Variants in CDH10 observed in about 807,000 individuals in gnomAD.
CDH10 encodes the protein cadherin 10, also known as cadherin-10.
A neutral mutation model predicts 73.1 loss-of-function variants in CDH10; 30 were observed. That is an observed-to-expected ratio of 0.41 (90% CI 0.31 to 0.56). The LOEUF is 0.56. Ranked by LOEUF, CDH10 falls within the 20% of genes least tolerant of loss-of-function variation. The pLI is 0.27. For missense variants in CDH10, 815 were observed against 973.7 expected (o/e 0.84, Z 2.17); for synonymous variants, 345 against 348.2 (o/e 0.99, Z 0.10).
intron 2 of CDH10, among the ~76,000 whole-genome samples, chr5:24,579,505 C>G (rs35000708): frequency 0.38 from 58,161 of 151,918 alleles, 13,539 homozygotes; most frequent in East Asian, 0.54. Context: ...ACTTTTTCTC[C>G]CTGTATGCCC....
intron 5 of CDH10, among the ~76,000 whole-genome samples, chr5:24,516,060 A>T (rs1444736463): frequency 6.6e-6 from 1 of 152,202 alleles, no homozygotes; most frequent in Non-Finnish European, 1.5e-5. Flanking sequence ...TATTAGCAGC[A>T]TGAAAACAGA....
intron 2 of CDH10, among the ~76,000 whole-genome samples, chr5:24,558,147 A>G (rs979903392): frequency 2.6e-5 from 4 of 151,750 alleles, no homozygotes; most frequent in Non-Finnish European, 5.9e-5. Flanking sequence ...AAGTGTTGGA[A>G]GTCTTAAATC....
At chr5:24,572,935 GAAA>G (rs55946839) in intron 2 of CDH10, among the ~76,000 whole-genome samples, 2,265 of 72,098 alleles carry the variant, frequency 0.031, 17 homozygotes, top group East Asian at 0.12. Context: ...CTTAGAAAAA[GAAA>G]AAAAAAAAAA....
chr5:24,633,805 T>G (rs1490054293), intron 1 of CDH10, among the ~76,000 whole-genome samples: 2 of 151,874 alleles, frequency 1.3e-5, no homozygotes, highest in African/African-American at 4.8e-5. Flanking sequence ...CTTATAACCC[T>G]TAATGTAAAT....
chr5:24,530,257 A>G lies in CDH10; in HGVS notation c.814+4855T>C, dbSNP rs547644560. ...TCAGTACATTAGATGTCCCTTAATC[A>G]CTAACTATGGGCAGATGAAAATCAA... is the stretch of plus-strand genomic sequence containing the variant. On this transcript the variant is annotated intron_variant, in intron 5 of 11. Transcript: ENST00000264463. Among the ~76,000 whole-genome samples the G allele has an allele frequency of 2.0e-5, 3 of 151,826 alleles. No homozygotes were observed. In the East Asian group the frequency reaches 5.8e-4, roughly 30 times the overall value.
In CDH10 at chr5:24,498,466, T is replaced by C; in HGVS notation, c.1447A>G (p.Asn483Asp). 6.3e-7 allele frequency: 1 copy of C among 1,599,196 alleles called. No homozygotes were observed. Among genetic ancestry groups the C allele is most frequent in the Non-Finnish European group, 8.6e-7 (1 of 1,166,574 alleles). ...ACAGCAAACTGTGGGGCATTGTCAT[T>C]AACATCCAAAATTCTCACAAAAACA... ...VAVFVRILDV[N>D]DNAPQFAVFY... The change falls in exon 9 of 12, where the codon AAT becomes GAT. Residue 483 changes from asparagine to aspartate, a missense_variant. Physicochemically the swap from Asn to Asp is conservative, Grantham distance 23. Around this residue, in one of 3 missense-constraint regions of CDH10, gnomAD observed 516 missense variants for 636.6 expected, o/e 0.81. Transcript: ENST00000264463.
intron 2 of CDH10, among the ~76,000 whole-genome samples, chr5:24,590,350 GAAGT>G (rs1373997656): frequency 1.3e-5 from 2 of 150,642 alleles, no homozygotes; most frequent in Non-Finnish European, 3.0e-5. Flanking sequence ...AATATTATTA[GAAGT>G]GAGTACAATA....
chr5:24,549,832 G>A (rs761136822), intron 2 of CDH10, among the ~76,000 whole-genome samples: 2 of 151,980 alleles, frequency 1.3e-5, no homozygotes, highest in Non-Finnish European at 1.5e-5. Flanking sequence ...GATTACAGGC[G>A]TGAGCCACTG....
chr5:24,490,863 T>C (rs895642924), intron 11 of CDH10, among the ~76,000 whole-genome samples: 2 of 152,234 alleles, frequency 1.3e-5, no homozygotes, highest in Non-Finnish European at 1.5e-5. Context: ...AGTGCTCATA[T>C]GTCAAGTTTT....
In CDH10 at chr5:24,626,792, A is replaced by ATG. The variant is rs58419965; in HGVS notation, c.-124+17800_-124+17801dup. Among the ~76,000 whole-genome samples the ATG allele has an allele frequency of 7.6e-3, 1,126 of 149,094 alleles. 8 individuals are homozygous for ATG. The highest frequency in any genetic ancestry group is 0.011 in the Non-Finnish European group (715 of 67,402). On this transcript the variant is annotated intron_variant, in intron 1 of 11. Transcript: ENST00000264463. ...CTGTCTCAAAAACCTATATATATAT[A>ATG]TGTGTGTGTGTGTGTGTGTGTGTGT...
At chr5:24,521,869 C>T (rs760341384) in intron 5 of CDH10, among the ~76,000 whole-genome samples, 7 of 152,124 alleles carry the variant, frequency 4.6e-5, no homozygotes, top group Non-Finnish European at 1.0e-4. Context: ...TGCCAGGTGG[C>T]TCACACCTAT....
At position 24,505,258 on chromosome 5, in the gene CDH10, G is replaced by A. The variant is rs763303674; in HGVS notation, c.1257-10C>T. Reference sequence around the variant, plus strand: ...GCGATCCAAGGAAAATCTGAACATGGAGGGCAAGAAAAAATACATGGCAGC... The same window carrying A: ...GCGATCCAAGGAAAATCTGAACATGAAGGGCAAGAAAAAATACATGGCAGC... On this transcript the variant is annotated splice_polypyrimidine_tract_variant and intron_variant, in intron 7 of 11. Transcript: ENST00000264463. 6.2e-7 allele frequency: 1 copy of A among 1,610,806 alleles called. No individual in the cohort carries two copies. The highest frequency in any genetic ancestry group is 8.5e-7 in the Non-Finnish European group (1 of 1,177,772).
At chr5:24,590,360 CAAT>C (rs1258096277) in intron 2 of CDH10, among the ~76,000 whole-genome samples, 1 of 150,308 alleles carries the variant, frequency 6.7e-6, no homozygotes, top group Admixed American at 6.7e-5. Flanking sequence ...GAAGTGAGTA[CAAT>C]AATAGAAATT....
rs1323088867 is a variant in CDH10 at position 24,498,217 on chromosome 5, G to T, written c.1515+181C>A. 3.3e-5 allele frequency among the ~76,000 whole-genome samples: 5 copies of T among 151,974 alleles called. No homozygotes were observed. In the South Asian group the frequency reaches 1.0e-3, roughly 32 times the overall value. ...AACTTTACAAAGGAAATATGAAACT[G>T]GTATATGGTTTTAAAAATATTTTCA... On this transcript the variant is annotated intron_variant, in intron 9 of 11. Coordinates refer to ENST00000264463, the MANE Select transcript of CDH10 (RefSeq NM_006727.5).
chr5:24,633,891 T>C (rs1426302642), intron 1 of CDH10, among the ~76,000 whole-genome samples: 1 of 151,838 alleles, frequency 6.6e-6, no homozygotes, highest in Non-Finnish European at 1.5e-5. Flanking sequence ...TTGTGTACTA[T>C]AGAACAATAA....
At chr5:24,555,217 G>C (rs1259023251) in intron 2 of CDH10, among the ~76,000 whole-genome samples, 1 of 152,020 alleles carries the variant, frequency 6.6e-6, no homozygotes, top group African/African-American at 2.4e-5. Context: ...TGTGCCACTG[G>C]ATTTCCTAAA....
intron 2 of CDH10, among the ~76,000 whole-genome samples, chr5:24,539,221 T>C (rs985654306): frequency 6.6e-6 from 1 of 151,980 alleles, no homozygotes; most frequent in Non-Finnish European, 1.5e-5. Flanking sequence ...TTTACCTAAA[T>C]AAGTTTCATT....
At chr5:24,581,478 A>G (rs1304508416) in intron 2 of CDH10, among the ~76,000 whole-genome samples, 2 of 152,166 alleles carry the variant, frequency 1.3e-5, no homozygotes, top group African/African-American at 2.4e-5. Flanking sequence ...AACAACTATA[A>G]GAATAATATG....
At chr5:24,598,318 A>G (rs1285436611) in intron 1 of CDH10, among the ~76,000 whole-genome samples, 1 of 152,010 alleles carries the variant, frequency 6.6e-6, no homozygotes. Flanking sequence ...GTCATAGAAA[A>G]TGTATAATTC....
Sources: allele counts gnomAD v4.1 joint callset (sites outside exome capture counted in the v4.1 genomes callset), GRCh38; gene constraint gnomAD v4.1.1; regional missense constraint gnomAD v4.1.1; transcripts MANE v1.5; gene names NCBI Gene and HGNC (gene_info 2026-07-23, HGNC 2026-07-21).